Variants in ATP2A1 observed in about 807,000 individuals in gnomAD.
ATP2A1 encodes ATPase sarcoplasmic/endoplasmic reticulum Ca2+ transporting 1.
ATP2A1 carries 83 observed loss-of-function variants against 109.5 expected under a neutral mutation model. The ratio of observed to expected loss-of-function variants is 0.76; its 90% CI spans 0.63 to 0.91. ATP2A1 has a LOEUF of 0.91. Ranked by LOEUF, ATP2A1 falls within the 40% of genes least tolerant of loss-of-function variation. ATP2A1 has a pLI of 0.00. For missense variants in ATP2A1, 1,101 were observed against 1,341.0 expected (o/e 0.82, Z 2.80); for synonymous variants, 505 against 537.6 (o/e 0.94, Z 0.84).
chr16:28,887,339 A>T, intron 7 of ATP2A1, 65 bp downstream of exon 7: 1 of 1,612,358 alleles, frequency 6.2e-7, no homozygotes, highest in South Asian at 1.1e-5. Flanking sequence ...GGAGAGAAAC[A>T]TGGCGTGTGA....
At chr16:28,896,420 T>TG (rs1423859062) in intron 12 of ATP2A1, among the ~76,000 whole-genome samples, 6 of 145,534 alleles carry the variant, frequency 4.1e-5, no homozygotes, top group Non-Finnish European at 9.1e-5. Flanking sequence ...TAGAGACGAG[T>TG]TTTTTTTTTT....
chr16:28,887,928 G>A (rs533039211), intron 8 of ATP2A1, among the ~76,000 whole-genome samples: 10 of 152,282 alleles, frequency 6.6e-5, no homozygotes, highest in Non-Finnish European at 1.2e-4. Flanking sequence ...AGCCTCCCTA[G>A]CAGCTGGGAC....
rs758221964 is a variant in ATP2A1, at chr16:28,902,382, C to A, written c.2520C>A (p.Ile840=). ...SGWLFFRYMA[I]GGYVGAATVG... ...GGCTCTTCTTCCGCTACATGGCAAT[C>A]GGGGGTGAGCTGGAGGGGTTCCTCG... Residue 840 remains isoleucine (I), a synonymous_variant, in exon 17 of 23, where the codon ATC becomes ATA. Transcript: ENST00000395503. This position sits in a 1 kb window ranked among gnomAD's most constrained non-coding sequence, Gnocchi z 4.8. 4 of 1,613,884 alleles carry A rather than the reference C, an allele frequency of 2.5e-6. No individual in the cohort carries two copies. The Admixed American group carries it at 6.7e-5, about 27-fold the overall frequency.
At chr16:28,885,801 C>G (rs1281640970) in intron 6 of ATP2A1, among the ~76,000 whole-genome samples, 1 of 152,054 alleles carries the variant, frequency 6.6e-6, no homozygotes, top group African/African-American at 2.4e-5. Flanking sequence ...CTCCTTCAGC[C>G]TCCTCAAAAA....
At chr16:28,891,802 C>T (rs1178516636) in intron 9 of ATP2A1, among the ~76,000 whole-genome samples, 4 of 149,952 alleles carry the variant, frequency 2.7e-5, no homozygotes, top group Non-Finnish European at 5.9e-5. Flanking sequence ...TCGCTTGAAC[C>T]CAGGAGGCGG....
intron 15 of ATP2A1, among the ~76,000 whole-genome samples, chr16:28,901,612 GAC>G (rs1374502025): frequency 6.6e-6 from 1 of 151,706 alleles, no homozygotes; most frequent in East Asian, 1.9e-4. Context: ...CAGCCTGGGC[GAC>G]AGAGTGAGAC....
Position 28,902,600 on chromosome 16 carries a change from G to A in ATP2A1, c.2545G>A (p.Val849Met), listed in dbSNP as rs748956350. Reference sequence around the variant, plus strand: ...CACAGGCTATGTGGGTGCAGCCACCGTGGGAGCAGCTGCCTGGTGGTTCCT... The same window carrying A: ...CACAGGCTATGTGGGTGCAGCCACCATGGGAGCAGCTGCCTGGTGGTTCCT... ...AIGGYVGAAT[V>M]GAAAWWFLYA... Residue 849 changes from valine (V) to methionine (M), a missense_variant, in exon 18 of 23, where the codon GTG (valine) becomes ATG (methionine). Physicochemically the swap from Val to Met is conservative, Grantham distance 21. Transcript: ENST00000395503. The surrounding 1 kb of genome is among the most constrained non-coding windows in gnomAD (Gnocchi z 4.8). 8.7e-6 allele frequency: 14 copies of A among 1,614,096 alleles called. No individual in the cohort carries two copies. Among genetic ancestry groups the A allele is most frequent in the East Asian group, 2.2e-5 (1 of 44,870 alleles).
chr16:28,903,513 G>T lies in ATP2A1; in HGVS notation c.2980+73G>T. On this transcript the variant is annotated intron_variant, in intron 21 of 22. Coordinates refer to ENST00000395503, the MANE Select transcript of ATP2A1 (RefSeq NM_004320.6). The surrounding 1 kb of genome is among the most constrained non-coding windows in gnomAD (Gnocchi z 5.6). The stretch of plus-strand genomic sequence containing the variant: ...TTCCCCATGACGCCGCCCCCGCCCC[G>T]CCCCGTACTTTGCAGGTGGTAAGTT... 1.3e-6 allele frequency: 1 copy of T among 787,938 alleles called. No homozygotes were observed. The highest frequency in any genetic ancestry group is 1.7e-6 in the Non-Finnish European group (1 of 575,238). 48.8% of individuals were successfully genotyped at this position (787,938 alleles called of 1,614,324 possible).
At chr16:28,904,048 G>A (rs1964175113) in intron 22 of ATP2A1, 132 bp from the exon 23 acceptor site, 1 of 885,782 alleles carries the variant, frequency 1.1e-6, no homozygotes. Context: ...GGGGACGCAG[G>A]TGAGTAGGGG....
chr16:28,897,455 T>C (rs910630452), intron 12 of ATP2A1, among the ~76,000 whole-genome samples: 2 of 152,178 alleles, frequency 1.3e-5, no homozygotes, highest in African/African-American at 2.4e-5. Context: ...GATCACGTCA[T>C]TGTACTTCAG....
chr16:28,902,919 C>A lies in ATP2A1; in HGVS notation c.2744+8C>A. 2 of 1,613,514 alleles carry A rather than the reference C, an allele frequency of 1.2e-6. No individual in the cohort carries two copies. Among genetic ancestry groups the A allele is most frequent in the South Asian group, 1.1e-5 (1 of 91,074 alleles). On this transcript the variant is annotated splice_region_variant and intron_variant, in intron 19 of 22. Coordinates refer to ENST00000395503, the MANE Select transcript of ATP2A1 (RefSeq NM_004320.6). This position sits in a 1 kb window ranked among gnomAD's most constrained non-coding sequence, Gnocchi z 4.8. ...GTGCAATGCACTGAACAGGTGGGGG[C>A]CCCCCAGCTACACCCACCACCCTCC...
At chr16:28,884,098 C>T (rs1176964220) in intron 5 of ATP2A1, among the ~76,000 whole-genome samples, 2 of 152,138 alleles carry the variant, frequency 1.3e-5, no homozygotes, top group African/African-American at 4.8e-5. Context: ...GACACCCCTT[C>T]TCTCTAATGC....
At chr16:28,879,914 G>A in intron 3 of ATP2A1, 2 of 823,466 alleles carry the variant, frequency 2.4e-6, no homozygotes, top group Non-Finnish European at 3.1e-6. Context: ...TGCGGCGCGG[G>A]GGGCCACTGC....
intron 2 of ATP2A1, 145 bp downstream of exon 2, chr16:28,879,261 GTCCGGGGCAGAAGTC>G: frequency 8.9e-7 from 1 of 1,128,128 alleles, no homozygotes; most frequent in Non-Finnish European, 1.3e-6. Context: ...TTAGAGTCCT[GTCCGGGGCAGAAGTC>G]TCCCAGGCGC....
Position 28,903,426 on chromosome 16 carries a change from G to T in ATP2A1, c.2966G>T (p.Arg989Leu). 1 of 1,613,564 alleles carries T rather than the reference G, an allele frequency of 6.2e-7. No individual in the cohort carries two copies. Among genetic ancestry groups the T allele is most frequent in the Non-Finnish European group, 8.5e-7 (1 of 1,179,596 alleles). Residue 989 changes from arginine to leucine, a missense_variant, in exon 21 of 23, where the codon CGG becomes CTG. By Grantham distance (102) the Arg-to-Leu change is moderately radical (BLOSUM62 -2). Coordinates refer to ENST00000395503, the MANE Select transcript of ATP2A1 (RefSeq NM_004320.6). The surrounding 1 kb of genome is among the most constrained non-coding windows in gnomAD (Gnocchi z 5.6). ...GACGAAATCCTCAAGTTCGTTGCTC[G>T]GAACTACCTAGAGGGTAAGGAGTGC... is the stretch of plus-strand genomic sequence containing the variant. ...GLDEILKFVARNYLEG is the reference protein window; with the variant it reads ...GLDEILKFVALNYLEG
rs1567478744 is a variant in ATP2A1, at chr16:28,880,611, G to T, written c.220-304G>T. Reference sequence around the variant, plus strand: ...TGGGATGGATGTGGCTGTGCGGGGGGTTGGCCTGAGCTTCGCTTCTAAGCC... The same window carrying T: ...TGGGATGGATGTGGCTGTGCGGGGGTTTGGCCTGAGCTTCGCTTCTAAGCC... On this transcript the variant is annotated intron_variant, in intron 3 of 22. Coordinates refer to ENST00000395503, the MANE Select transcript of ATP2A1 (RefSeq NM_004320.6). This position sits in a 1 kb window ranked among gnomAD's most constrained non-coding sequence, Gnocchi z 4.2. Among the ~76,000 whole-genome samples the T allele has an allele frequency of 6.6e-6, 1 of 152,230 alleles. No individual in the cohort carries two copies. The highest frequency in any genetic ancestry group is 2.4e-5 in the African/African-American group (1 of 41,460).
At chr16:28,894,293 C>G in intron 10 of ATP2A1, 50 bp downstream of exon 10, 1 of 1,546,842 alleles carries the variant, frequency 6.5e-7, no homozygotes. Context: ...CCTTCCCACA[C>G]CCCCTTTCTC....
Position 28,903,634 on chromosome 16 carries a change from G to A in ATP2A1, c.2981-66G>A. 1 of 1,330,250 alleles carries A rather than the reference G, an allele frequency of 7.5e-7. No individual in the cohort carries two copies. Among genetic ancestry groups the A allele is most frequent in the Non-Finnish European group, 1.1e-6 (1 of 921,662 alleles). 82.4% of individuals were successfully genotyped at this position (1,330,250 alleles called of 1,614,324 possible). A position where few individuals can be genotyped will look rare whatever the true frequency, so the allele number is the denominator to read the frequency against. On this transcript the variant is annotated intron_variant, in intron 21 of 22. Coordinates refer to ENST00000395503, the MANE Select transcript of ATP2A1 (RefSeq NM_004320.6). This position sits in a 1 kb window ranked among gnomAD's most constrained non-coding sequence, Gnocchi z 5.6. ...CCCCACTGCCTCCTCAGCCCCCACA[G>A]CCCCTATAGCCCCCATGCCACCTCC...
chr16:28,889,107 A>G (rs1963699068), intron 9 of ATP2A1, among the ~76,000 whole-genome samples, 154 bp downstream of exon 9: 1 of 152,112 alleles, frequency 6.6e-6, no homozygotes, highest in South Asian at 2.1e-4. Flanking sequence ...CCTGTCTGCC[A>G]TGAACGGGAT....
Sources: allele counts gnomAD v4.1 joint callset (sites outside exome capture counted in the v4.1 genomes callset), GRCh38; gene constraint gnomAD v4.1.1; non-coding constraint Gnocchi (gnomAD v3.1); transcripts MANE v1.5; gene names NCBI Gene and HGNC (gene_info 2026-07-23, HGNC 2026-07-21).